The following CACNA1C variants were observed in gnomAD, a reference collection of about 807,000 sequenced individuals.
The protein encoded by CACNA1C is calcium voltage-gated channel subunit alpha1 C.
In CACNA1C, 30 loss-of-function variants were observed where a neutral mutation model predicts 229.0. The observed-to-expected ratio is 0.13, with a 90% confidence interval of 0.10 to 0.18. CACNA1C has a LOEUF of 0.18. Ranked by LOEUF, CACNA1C falls within the 10% of genes least tolerant of loss-of-function variation. The probability of loss-of-function intolerance (pLI) is 1.00; values close to 1 mark genes in which losing one functional copy is unlikely to be tolerated. For missense variants in CACNA1C, 1,658 were observed against 2,845.0 expected (o/e 0.58, Z 9.49); for synonymous variants, 1,114 against 1,132.5 (o/e 0.98, Z 0.33).
chr12:2,434,175 A>C (rs538757811), intron 3 of CACNA1C, among the ~76,000 whole-genome samples: 1 of 151,914 alleles, frequency 6.6e-6, no homozygotes, highest in South Asian at 2.1e-4. Context: ...TCACATAACT[A>C]TCTGTATAGG....
chr12:2,146,723 C>G (rs1331178257), intron 3 of CACNA1C, among the ~76,000 whole-genome samples: 1 of 151,344 alleles, frequency 6.6e-6, no homozygotes, highest in Non-Finnish European at 1.5e-5. Flanking sequence ...TGTTTACCTG[C>G]TGGTGGGCAG....
chr12:2,671,181 A>G (rs960180498), intron 38 of CACNA1C, among the ~76,000 whole-genome samples: 4 of 151,928 alleles, frequency 2.6e-5, no homozygotes, highest in African/African-American at 9.7e-5. Flanking sequence ...CGCCCGGCTA[A>G]TTTTTGTATT....
At chr12:2,688,248 C>A (rs1212142845) in intron 45 of CACNA1C, among the ~76,000 whole-genome samples, 199 bp from the exon 46 acceptor site, 1 of 152,198 alleles carries the variant, frequency 6.6e-6, no homozygotes, top group African/African-American at 2.4e-5. Flanking sequence ...CCCAGATGAT[C>A]CTAAGATGTA....
At chr12:1,990,984 C>CAA (rs58516806) in intron 1 of CACNA1C, 5,053 of 322,380 alleles carry the variant, frequency 0.016, 10 homozygotes, top group East Asian at 0.033. Context: ...ATAGAAAGGA[C>CAA]AAAAAAAAAA....
chr12:2,387,092 C>A (rs1288263886), intron 3 of CACNA1C, among the ~76,000 whole-genome samples: 2 of 152,176 alleles, frequency 1.3e-5, no homozygotes, highest in Non-Finnish European at 2.9e-5. Flanking sequence ...CAATAACATG[C>A]CAACATTATT....
At chr12:2,407,913 A>G (rs1160777123) in intron 3 of CACNA1C, among the ~76,000 whole-genome samples, 1 of 152,222 alleles carries the variant, frequency 6.6e-6, no homozygotes, top group Non-Finnish European at 1.5e-5. Flanking sequence ...GACAATAACT[A>G]TTCTCCTCCA....
In CACNA1C at chr12:2,215,708, C is replaced by T. The variant is rs1192485744; in HGVS notation, c.477+95278C>T. On this transcript the variant is annotated intron_variant, in intron 3 of 46. Coordinates refer to ENST00000399655, the MANE Select transcript of CACNA1C (RefSeq NM_000719.7). This position sits in a 1 kb window ranked among gnomAD's most constrained non-coding sequence, Gnocchi z 5.0. ...GGACCATGTTCTCTCCCAAACAGGCCAGTCCTTGGAGCTGCTGCCATGGCT... is the reference window on the plus strand; with the variant it reads ...GGACCATGTTCTCTCCCAAACAGGCTAGTCCTTGGAGCTGCTGCCATGGCT... Among the ~76,000 whole-genome samples, 2 of 152,170 alleles carry T rather than the reference C, an allele frequency of 1.3e-5. No homozygotes were observed. Among genetic ancestry groups the T allele is most frequent in the Non-Finnish European group, 2.9e-5 (2 of 68,024 alleles).
intron 14 of CACNA1C, among the ~76,000 whole-genome samples, chr12:2,582,620 A>G (rs1356168179): frequency 6.6e-6 from 1 of 152,214 alleles, no homozygotes; most frequent in Non-Finnish European, 1.5e-5. Flanking sequence ...AAATAATATT[A>G]TGCCAATAGC....
rs575278564 is a variant in CACNA1C at position 2,687,327 on chromosome 12, CTCT to C, written c.5784+1061_5784+1063del. ...TCGTACTGGTAGGCACGAAACTCTC[CTCT>C]TCATCTCTTTCTCCTCCTGTACTCT... On this transcript the variant is annotated intron_variant, in intron 45 of 46. Coordinates refer to ENST00000399655, the MANE Select transcript of CACNA1C (RefSeq NM_000719.7). Among the ~76,000 whole-genome samples the C allele has an allele frequency of 8.5e-5, 13 of 152,304 alleles. No individual in the cohort carries two copies. The East Asian group carries it at 2.5e-3, about 29-fold the overall frequency.
At position 2,581,650 on chromosome 12, in the gene CACNA1C, C is replaced by T. The variant is rs2060532863; in HGVS notation, c.1956C>T (p.Ala652=). Residue 652 remains alanine, a synonymous_variant, in exon 14 of 47, where the codon GCC becomes GCT. Transcript: ENST00000399655. The stretch of plus-strand genomic sequence containing the variant: ...TGCTGAACTCTGTGCGCTCCATCGC[C>T]TCCCTGCTCCTTCTCCTCTTCCTCT... ...ASLLNSVRSI[A]SLLLLLFLFI... 6.2e-7 allele frequency: 1 copy of T among 1,603,044 alleles called. No individual in the cohort carries two copies. Among genetic ancestry groups the T allele is most frequent in the African/African-American group, 1.3e-5 (1 of 74,688 alleles).
chr12:2,681,707 CGAGA>C (rs148748662), intron 42 of CACNA1C, among the ~76,000 whole-genome samples: 3 of 152,214 alleles, frequency 2.0e-5, no homozygotes, highest in South Asian at 2.1e-4. Flanking sequence ...TCCTCCTCCT[CGAGA>C]GAGAGAATTG....
chr12:2,256,062 ATCCTGACCTTACTAGTTTACAATCACACC>A (rs1193565300), intron 3 of CACNA1C, among the ~76,000 whole-genome samples: 1 of 152,284 alleles, frequency 6.6e-6, no homozygotes, highest in African/African-American at 2.4e-5. Context: ...CAATCACACG[ATCCTGACCTTACTAGTTTACAATCACACC>A]TCCTGTTTCT....
chr12:2,264,793 C>T (rs1202903706), intron 3 of CACNA1C, among the ~76,000 whole-genome samples: 1 of 152,188 alleles, frequency 6.6e-6, no homozygotes, highest in East Asian at 1.9e-4. Context: ...TGATGGCCCC[C>T]CTTTGGCTTT....
chr12:2,191,927 CACCT>C (rs1394287086), intron 3 of CACNA1C, among the ~76,000 whole-genome samples: 1 of 152,140 alleles, frequency 6.6e-6, no homozygotes, highest in African/African-American at 2.4e-5. Context: ...CACAGGCACA[CACCT>C]ACACATGGAC....
chr12:2,004,900 G>T, intron 1 of CACNA1C, among the ~76,000 whole-genome samples: 1 of 151,772 alleles, frequency 6.6e-6, no homozygotes, highest in East Asian at 1.9e-4. Flanking sequence ...GGTTCTCAAA[G>T]TGTGGTGTGG....
chr12:2,163,803 C>T (rs762464417), intron 3 of CACNA1C, among the ~76,000 whole-genome samples: 21 of 152,100 alleles, frequency 1.4e-4, no homozygotes, highest in South Asian at 8.3e-4. Flanking sequence ...GGCGGGGTCA[C>T]GGCCCTGTAC....
At chr12:2,576,416 A>T (rs2058409659) in intron 13 of CACNA1C, among the ~76,000 whole-genome samples, 1 of 152,136 alleles carries the variant, frequency 6.6e-6, no homozygotes, top group African/African-American at 2.4e-5. Flanking sequence ...CTGATGAGAG[A>T]GTGCTTCATT....
chr12:2,300,628 AAAT>A (rs978348696), intron 3 of CACNA1C, among the ~76,000 whole-genome samples: 1 of 152,176 alleles, frequency 6.6e-6, no homozygotes, highest in Admixed American at 6.5e-5. Context: ...TTCTCTAAAA[AAAT>A]AATAATAATA....
chr12:2,464,582 T>C (rs1192300405), intron 5 of CACNA1C, among the ~76,000 whole-genome samples: 1 of 152,236 alleles, frequency 6.6e-6, no homozygotes, highest in Non-Finnish European at 1.5e-5. Flanking sequence ...TCCTGGTTAA[T>C]GTGATTTTGA....
Sources: gnomAD v4.1 joint callset for allele counts (sites outside exome capture counted in the v4.1 genomes callset) on GRCh38, gnomAD v4.1.1 for gene constraint, Gnocchi (gnomAD v3.1) non-coding constraint, MANE v1.5 for transcripts, NCBI Gene and HGNC (gene_info 2026-07-23, HGNC 2026-07-21) for gene names.